WNT10A: variants seen among roughly 807,000 people sequenced by gnomAD.
WNT10A encodes the protein Wnt family member 10A.
In WNT10A, 37 loss-of-function variants were observed where a neutral mutation model predicts 36.1. That is an observed-to-expected ratio of 1.02 (90% CI 0.79 to 1.35). WNT10A has a LOEUF of 1.35. Ranked by LOEUF, WNT10A falls within the 40% of genes most tolerant of loss-of-function variation. The pLI is 0.00. For missense variants in WNT10A, 613 were observed against 601.4 expected (o/e 1.02, Z -0.20); for synonymous variants, 255 against 254.1 (o/e 1.00, Z -0.03).
chr2:218,888,689 A>G (rs1262489438), intron 2 of WNT10A, among the ~76,000 whole-genome samples: 1 of 152,090 alleles, frequency 6.6e-6, no homozygotes, highest in East Asian at 1.9e-4. Flanking sequence ...AGCTCTGGTG[A>G]CCCATTTCTT....
the WNT10A span, among the ~76,000 whole-genome samples, chr2:218,874,441 G>C: frequency 2.6e-5 from 4 of 152,166 alleles, no homozygotes; most frequent in Non-Finnish European, 5.9e-5. Flanking sequence ...CTGCAAGCTG[G>C]AGAAGAACTA....
Position 218,882,365 on chromosome 2 carries a change from C to T in WNT10A, c.318C>T (p.Asn106=). 6.2e-7 allele frequency: 1 copy of T among 1,614,218 alleles called. No homozygotes were observed. The highest frequency in any genetic ancestry group is 1.1e-5 in the South Asian group (1 of 91,082). Residue 106 remains asparagine, a synonymous_variant, in exon 2 of 4, where the codon AAC becomes AAT. Transcript: ENST00000258411. The stretch of plus-strand genomic sequence containing the variant: ...ACCAATTCAGGGACCAGCGCTGGAA[C>T]TGCTCAAGCCTGGAGACTCGCAACA... ...CQHQFRDQRW[N]CSSLETRNKI...
At chr2:218,892,650 C>A (rs1343786375) in intron 3 of WNT10A, 124 bp from the exon 4 acceptor site, 3 of 1,451,632 alleles carry the variant, frequency 2.1e-6, no homozygotes, top group African/African-American at 2.9e-5. Flanking sequence ...GTGGGACCCT[C>A]GCTCCCGGCC....
At position 218,882,162 on chromosome 2, in the gene WNT10A, T is replaced by A. The variant is rs1427142853; in HGVS notation, c.115T>A (p.Ser39Thr). The A allele has an allele frequency of 1.2e-6, 2 of 1,613,888 alleles. No homozygotes were observed. The highest frequency in any genetic ancestry group is 2.2e-5 in the South Asian group (2 of 91,078). ...LLLLAAAMPR[S>T]APNDILDLRL... The stretch of plus-strand genomic sequence containing the variant: ...CCACTCCACCCCATATGTCTGCAGG[T>A]CAGCACCCAATGACATTCTGGACCT... Residue 39 changes from serine to threonine, a missense_variant and splice_region_variant, in exon 2 of 4, where the codon TCA becomes ACA. Transcript: ENST00000258411.
chr2:218,886,677 T>C (rs1294868134), intron 2 of WNT10A, among the ~76,000 whole-genome samples: 1 of 102,962 alleles, frequency 9.7e-6, no homozygotes, highest in Non-Finnish European at 1.9e-5. Context: ...CAGCTGGCCA[T>C]GGCCCCACCC....
intron 2 of WNT10A, 74 bp downstream of exon 2, chr2:218,882,497 C>G (rs1486045644): frequency 1.9e-6 from 3 of 1,583,482 alleles, no homozygotes; most frequent in Non-Finnish European, 2.6e-6. Flanking sequence ...CCAGCCATTT[C>G]TAACCCACTG....
rs1428675922 is a variant in WNT10A, at chr2:218,890,213, C to T, written c.606C>T (p.Ser202=). The T allele has an allele frequency of 6.2e-7, 1 of 1,614,034 alleles. No homozygotes were observed. The highest frequency in any genetic ancestry group is 8.5e-7 in the Non-Finnish European group (1 of 1,180,006). ...AACACCCAGCCCTGCCCACAGCCAG[C>T]CCAGGCCTGCAGGACTCCTGGGAGT... ...VPEHPALPTA[S]PGLQDSWEWG... The change falls in exon 3 of 4, where the codon AGC becomes AGT. Residue 202 remains serine, a synonymous_variant. Coordinates refer to ENST00000258411, the MANE Select transcript of WNT10A (RefSeq NM_025216.3).
intron 2 of WNT10A, among the ~76,000 whole-genome samples, chr2:218,883,381 T>TCTTGA (rs1944540407): frequency 6.6e-6 from 1 of 152,110 alleles, no homozygotes; most frequent in Admixed American, 6.5e-5. Context: ...TAGCCTTGGG[T>TCTTGA]CTTGAGGCTT....
At chr2:218,882,551 C>A in intron 2 of WNT10A, 128 bp downstream of exon 2, 1 of 1,231,902 alleles carries the variant, frequency 8.1e-7, no homozygotes, top group Non-Finnish European at 1.2e-6. Context: ...CATCTGTTGG[C>A]CCTGCTGCTC....
upstream of WNT10A, among the ~76,000 whole-genome samples, chr2:218,878,047 A>T (rs1944468764): frequency 6.6e-6 from 1 of 151,984 alleles, no homozygotes. This position sits in a 1 kb window ranked among gnomAD's most constrained non-coding sequence, Gnocchi z 4.1. Flanking sequence ...GCTGCCTTTC[A>T]TCCCCAGTGC....
rs1944680486 is a variant in WNT10A, at chr2:218,893,305, C to T, written c.*34C>T. 3 of 1,532,070 alleles carry T rather than the reference C, an allele frequency of 2.0e-6. No homozygotes were observed. Among genetic ancestry groups the T allele is most frequent in the African/African-American group, 1.4e-5 (1 of 73,256 alleles). 94.9% of individuals were successfully genotyped at this position (1,532,070 alleles called of 1,614,324 possible). On this transcript the variant is annotated 3_prime_UTR_variant, in exon 4 of 4. Transcript: ENST00000258411. This position sits in a 1 kb window ranked among gnomAD's most constrained non-coding sequence, Gnocchi z 6.3. Reference sequence around the variant, plus strand: ...GGGTCCCCTGGGCCCTGATCGAGGTCCCCTCCTGGAGCCTGGCCCTCTGAG... The same window carrying T: ...GGGTCCCCTGGGCCCTGATCGAGGTTCCCTCCTGGAGCCTGGCCCTCTGAG...
chr2:218,879,152 G>A (rs3806557), upstream of WNT10A, among the ~76,000 whole-genome samples: 46,141 of 150,204 alleles, frequency 0.31, 8,688 homozygotes, highest in African/African-American at 0.53. Flanking sequence ...AGAGATGAGG[G>A]GGAAAGGAGG....
In WNT10A at chr2:218,892,791, G is replaced by A; in HGVS notation, c.774G>A (p.Met258Ile). The A allele has an allele frequency of 4.4e-6, 7 of 1,595,392 alleles. No homozygotes were observed. The highest frequency in any genetic ancestry group is 6.0e-6 in the Non-Finnish European group (7 of 1,172,302). ...CTCCGCAGGCAGTGATGGAGAACAT[G>A]CGGCGGAAGTGCAAGTGCCACGGCA... Reference protein sequence around the residue: ...RVGRQAVMENMRRKCKCHGTS... With the variant: ...RVGRQAVMENIRRKCKCHGTS... Residue 258 changes from methionine to isoleucine, a missense_variant, in exon 4 of 4, where the codon ATG becomes ATA. By Grantham distance (10) the Met-to-Ile change is conservative. Coordinates refer to ENST00000258411, the MANE Select transcript of WNT10A (RefSeq NM_025216.3).
upstream of WNT10A, among the ~76,000 whole-genome samples, chr2:218,876,761 A>C (rs555334743): frequency 6.6e-6 from 1 of 152,342 alleles, no homozygotes; most frequent in African/African-American, 2.4e-5. Context: ...AAACAAGCCC[A>C]AAACCCAAAC....
chr2:218,889,082 A>G (rs67367269), intron 2 of WNT10A, among the ~76,000 whole-genome samples: 6 of 151,938 alleles, frequency 3.9e-5, no homozygotes, highest in Non-Finnish European at 8.8e-5. Flanking sequence ...CTCACACCCA[A>G]CCTTTCCCCA....
chr2:218,889,192 G>A (rs1183227475), intron 2 of WNT10A, among the ~76,000 whole-genome samples: 1 of 152,152 alleles, frequency 6.6e-6, no homozygotes, highest in Non-Finnish European at 1.5e-5. Flanking sequence ...TTCCATTCCT[G>A]AGTTACTTCA....
In WNT10A at chr2:218,882,217, C is replaced by T. The variant is rs1425958867; in HGVS notation, c.170C>T (p.Ala57Val). The change falls in exon 2 of 4, where the codon GCC (alanine) becomes GTC (valine). Residue 57 changes from alanine to valine, a missense_variant. By Grantham distance (64) the Ala-to-Val change is moderately conservative (BLOSUM62 0). Transcript: ENST00000258411. ...CTCCCCCCGGAGCCCGTGCTCAATGCCAACACAGTGTGCCTAACATTGCCA... is the reference window on the plus strand; with the variant it reads ...CTCCCCCCGGAGCCCGTGCTCAATGTCAACACAGTGTGCCTAACATTGCCA... ...LRLPPEPVLN[A>V]NTVCLTLPGL... The T allele has an allele frequency of 6.2e-7, 1 of 1,614,186 alleles. No individual in the cohort carries two copies. The highest frequency in any genetic ancestry group is 8.5e-7 in the Non-Finnish European group (1 of 1,180,022).
chr2:218,882,560 T>C (rs1421444749), intron 2 of WNT10A, 137 bp downstream of exon 2: 2 of 1,171,004 alleles, frequency 1.7e-6, no homozygotes, highest in African/African-American at 1.5e-5. Context: ...GCCCTGCTGC[T>C]CTCCTTCCTC....
In WNT10A at chr2:218,892,894, C is replaced by G. The variant is rs563548971; in HGVS notation, c.877C>G (p.Arg293Gly). 1.3e-6 allele frequency: 2 copies of G among 1,551,832 alleles called. No homozygotes were observed. The highest frequency in any genetic ancestry group is 1.7e-6 in the Non-Finnish European group (2 of 1,151,894). The change falls in exon 4 of 4, where the codon CGC (arginine) becomes GGC (glycine). Residue 293 changes from arginine to glycine, a missense_variant. Transcript: ENST00000258411. The part of the protein sequence containing the change: ...FRTVGALLRS[R>G]FHRATLIRPH... ...CACCGTGGGGGCGCTGCTGCGCAGC[C>G]GCTTCCACCGCGCCACGCTCATCCG...
Sources: allele counts gnomAD v4.1 joint callset (sites outside exome capture counted in the v4.1 genomes callset), GRCh38; gene constraint gnomAD v4.1.1; non-coding constraint Gnocchi (gnomAD v3.1); transcripts MANE v1.5; gene names NCBI Gene and HGNC (gene_info 2026-07-23, HGNC 2026-07-21).